Variants in ABL2 observed in about 807,000 individuals in gnomAD.
ABL2 encodes ABL proto-oncogene 2, non-receptor tyrosine kinase.
ABL2 carries 49 observed loss-of-function variants against 107.7 expected under a neutral mutation model. That is an observed-to-expected ratio of 0.45 (90% CI 0.36 to 0.58). The LOEUF (loss-of-function observed/expected upper bound fraction) is 0.58, where lower values mean the gene tolerates loss of function less well. ABL2 is among the 20% of genes least tolerant of loss of function. The probability of loss-of-function intolerance (pLI) is 0.00; values close to 1 mark genes in which losing one functional copy is unlikely to be tolerated. For missense variants in ABL2, 1,245 were observed against 1,457.0 expected (o/e 0.85, Z 2.37); for synonymous variants, 549 against 548.6 (o/e 1.00, Z -0.01).
intron 1 of ABL2, among the ~76,000 whole-genome samples, chr1:179,151,715 A>T (rs1658371870): frequency 6.6e-6 from 1 of 152,146 alleles, no homozygotes; most frequent in Non-Finnish European, 1.5e-5. Context: ...AATAAAATTA[A>T]ATTTAAGTAA....
At chr1:179,191,652 C>T (rs1661022631) in intron 1 of ABL2, among the ~76,000 whole-genome samples, 2 of 151,948 alleles carry the variant, frequency 1.3e-5, no homozygotes, top group South Asian at 2.1e-4. Flanking sequence ...GAACTCATTA[C>T]CTCAGGTGAT....
At position 179,114,917 on chromosome 1, in the gene ABL2, C is replaced by G; in HGVS notation, c.1522G>C (p.Glu508Gln). The G allele has an allele frequency of 6.2e-7, 1 of 1,611,580 alleles. No individual in the cohort carries two copies. Among genetic ancestry groups the G allele is most frequent in the South Asian group, 1.1e-5 (1 of 90,244 alleles). Residue 508 changes from glutamate to glutamine, a missense_variant, in exon 9 of 12, where the codon GAG becomes CAG. Physicochemically the swap from Glu to Gln is conservative, Grantham distance 29 (BLOSUM62 2). This residue lies in a region of ABL2 where 320 missense variants were observed against 547.0 expected (regional missense o/e 0.59). Coordinates refer to ENST00000502732, the MANE Select transcript of ABL2 (RefSeq NM_007314.4). ...TCATAAACCTTAGGGGGGCATCCCTCAGGCTGTTCCATTCGATATCCTTTT... is the reference window on the plus strand; with the variant it reads ...TCATAAACCTTAGGGGGGCATCCCTGAGGCTGTTCCATTCGATATCCTTTT... ...LEKGYRMEQP[E>Q]GCPPKVYELM...
At chr1:179,111,545 C>G (rs879464144) in intron 10 of ABL2, among the ~76,000 whole-genome samples, 3 of 152,122 alleles carry the variant, frequency 2.0e-5, no homozygotes, top group Admixed American at 6.6e-5. Context: ...CTCAGCCTCC[C>G]AAAGTGCTGG....
chr1:179,210,520 A>AAAAAAAAAAAAAG (rs1662212593), intron 1 of ABL2, among the ~76,000 whole-genome samples: 3 of 146,462 alleles, frequency 2.0e-5, no homozygotes, highest in African/African-American at 7.7e-5. Context: ...AAAAAAAAAG[A>AAAAAAAAAAAAAG]AAAAAAAAAG....
chr1:179,221,629 G>A (rs2124861176), intron 1 of ABL2: 1 of 188,872 alleles, frequency 5.3e-6, no homozygotes. Flanking sequence ...GCATTCAGGT[G>A]GGTAACTGAG....
Position 179,100,219 on chromosome 1 carries a change from C to T in ABL2, c.*7499G>A, listed in dbSNP as rs1652993803. On this transcript the variant is annotated 3_prime_UTR_variant, in exon 12 of 12. Transcript: ENST00000502732. Reference sequence around the variant, plus strand: ...TCAAAACATAATGGAGGCCAAATGGCCACAGTGAGAAATTGCTGTCAAAAT... The same window carrying T: ...TCAAAACATAATGGAGGCCAAATGGTCACAGTGAGAAATTGCTGTCAAAAT... 4.4e-6 allele frequency: 1 copy of T among 228,350 alleles called. No homozygotes were observed. Among genetic ancestry groups the T allele is most frequent in the Non-Finnish European group, 8.7e-6 (1 of 115,098 alleles). 14.1% of individuals were successfully genotyped at this position (228,350 alleles called of 1,614,324 possible). A position where few individuals can be genotyped will look rare whatever the true frequency, so the allele number is the denominator to read the frequency against.
At chr1:179,166,672 G>A (rs549882838) in intron 1 of ABL2, among the ~76,000 whole-genome samples, 1 of 151,548 alleles carries the variant, frequency 6.6e-6, no homozygotes, top group Non-Finnish European at 1.5e-5. Flanking sequence ...AGCTACTCTG[G>A]AGGCTGAGGG....
chr1:179,127,569 T>C (rs1655851613), intron 3 of ABL2, among the ~76,000 whole-genome samples: 1 of 152,204 alleles, frequency 6.6e-6, no homozygotes, highest in African/African-American at 2.4e-5. Context: ...TAGGTTTCTT[T>C]GACAAAACAG....
In ABL2 at chr1:179,107,895, C is replaced by T; in HGVS notation, c.3372G>A (p.Val1124=). The change falls in exon 12 of 12, where the codon GTG becomes GTA. Residue 1124 remains valine, a synonymous_variant. Transcript: ENST00000502732. ...HQLLDYCSGY[V]DCIPQTRNKF... is the part of the protein sequence containing the mutation. Reference sequence around the variant, plus strand: ...TGTTGCGAGTTTGAGGGATGCAGTCCACATAGCCTGAGCAGTAGTCAAGCA... The same window carrying T: ...TGTTGCGAGTTTGAGGGATGCAGTCTACATAGCCTGAGCAGTAGTCAAGCA... 1.2e-6 allele frequency: 2 copies of T among 1,614,226 alleles called. No individual in the cohort carries two copies. Among genetic ancestry groups the T allele is most frequent in the Non-Finnish European group, 1.7e-6 (2 of 1,180,042 alleles).
intron 1 of ABL2, among the ~76,000 whole-genome samples, chr1:179,193,079 G>C (rs1661106460): frequency 6.6e-6 from 1 of 151,696 alleles, no homozygotes; most frequent in South Asian, 2.1e-4. Flanking sequence ...TGGTATGATG[G>C]AGAAAATTAT....
chr1:179,131,543 A>C, intron 2 of ABL2, 62 bp from the exon 3 acceptor site: 1 of 1,519,642 alleles, frequency 6.6e-7, no homozygotes, highest in South Asian at 1.1e-5. Flanking sequence ...ATTTGTTTGA[A>C]TTCATTATAT....
Position 179,174,920 on chromosome 1 carries a change from A to AAAAAAT in ABL2, c.158-41547_158-41546insATTTTT, listed in dbSNP as rs1659958398. Among the ~76,000 whole-genome samples, 83 of 122,870 alleles carry AAAAAAT rather than the reference A, an allele frequency of 6.8e-4. 1 individual carries two copies. Among genetic ancestry groups the AAAAAAT allele is most frequent in the South Asian group, 1.3e-3 (5 of 3,978 alleles). 80.6% of individuals were successfully genotyped at this position (122,870 alleles called of 152,430 possible). ...CAAAAAAAAAAAAATAAAATAAAAA[A>AAAAAAT]AATAATAATAATAATAATAATAATT... is the stretch of plus-strand genomic sequence containing the variant. On this transcript the variant is annotated intron_variant, in intron 1 of 11. Transcript: ENST00000502732.
At chr1:179,200,925 G>T (rs920726767) in intron 1 of ABL2, among the ~76,000 whole-genome samples, 7 of 152,208 alleles carry the variant, frequency 4.6e-5, no homozygotes, top group African/African-American at 1.7e-4. Flanking sequence ...AAAACAACAT[G>T]TGTAAAATGC....
chr1:179,183,075 C>T (rs754503610), intron 1 of ABL2, among the ~76,000 whole-genome samples: 1 of 151,922 alleles, frequency 6.6e-6, no homozygotes, highest in Non-Finnish European at 1.5e-5. Context: ...AGTGCAGTGG[C>T]AAGATCACGG....
chr1:179,218,120 A>G (rs1306059638), intron 1 of ABL2, among the ~76,000 whole-genome samples: 1 of 152,180 alleles, frequency 6.6e-6, no homozygotes, highest in Non-Finnish European at 1.5e-5. Context: ...TCTTCCAGGA[A>G]CTGTAGCCCA....
intron 4 of ABL2, among the ~76,000 whole-genome samples, chr1:179,123,179 A>G (rs1206394500): frequency 3.3e-5 from 5 of 152,282 alleles, no homozygotes; most frequent in African/African-American, 1.2e-4. Flanking sequence ...TATGACGTGC[A>G]GTTGAGTGTC....
At chr1:179,213,908 C>A (rs1224846937) in intron 1 of ABL2, among the ~76,000 whole-genome samples, 1 of 152,070 alleles carries the variant, frequency 6.6e-6, no homozygotes, top group Non-Finnish European at 1.5e-5. Context: ...TACTACTGCA[C>A]TCCAACCTGG....
intron 1 of ABL2, among the ~76,000 whole-genome samples, chr1:179,170,684 T>A (rs1340482200): frequency 6.6e-6 from 1 of 152,178 alleles, no homozygotes; most frequent in African/African-American, 2.4e-5. Context: ...AACCTCCACC[T>A]CCAGGGTTCA....
chr1:179,169,917 T>G (rs1176983132), intron 1 of ABL2, among the ~76,000 whole-genome samples: 1 of 152,040 alleles, frequency 6.6e-6, no homozygotes, highest in Non-Finnish European at 1.5e-5. Context: ...TAGTCCCAGC[T>G]ACTCGGGAGG....
Sources: gnomAD v4.1 joint callset for allele counts (sites outside exome capture counted in the v4.1 genomes callset) on GRCh38, gnomAD v4.1.1 for gene constraint, gnomAD v4.1.1 regional missense constraint, MANE v1.5 for transcripts, NCBI Gene and HGNC (gene_info 2026-07-23, HGNC 2026-07-21) for gene names.